ASH1L: variants seen among roughly 807,000 people sequenced by gnomAD.
ASH1L encodes the protein ASH1 like histone lysine methyltransferase.
In ASH1L, 23 loss-of-function variants were observed where a neutral mutation model predicts 269.0. That is an observed-to-expected ratio of 0.09 (90% confidence interval 0.06 to 0.12). ASH1L has a LOEUF of 0.12. Among genes scored for constraint, ASH1L ranks in the 10% least tolerant of loss-of-function variants. ASH1L has a pLI of 1.00. For synonymous variants in ASH1L, 1,187 were observed against 1,253.5 expected (o/e 0.95, Z 1.12); for missense variants, 2,912 against 3,567.8 (o/e 0.82, Z 4.68).
At chr1:155,475,061 T>A (rs1201062060) in intron 3 of ASH1L, among the ~76,000 whole-genome samples, 1 of 152,212 alleles carries the variant, frequency 6.6e-6, no homozygotes, top group African/African-American at 2.4e-5. Context: ...TATTTCCTCT[T>A]TCACCACGAT....
chr1:155,440,664 C>T (rs888620517), intron 4 of ASH1L: 2 of 228,486 alleles, frequency 8.8e-6, no homozygotes, highest in African/African-American at 2.3e-5. Flanking sequence ...TTTTTAAAAA[C>T]TTTCTAGCCT....
chr1:155,356,532 G>A (rs1052298967), intron 15 of ASH1L, among the ~76,000 whole-genome samples: 8 of 151,730 alleles, frequency 5.3e-5, no homozygotes, highest in Admixed American at 4.6e-4. Flanking sequence ...CTACTCGGGA[G>A]GCTGAGGCAG....
At chr1:155,550,484 C>T (rs1671123250) in intron 1 of ASH1L, among the ~76,000 whole-genome samples, 1 of 152,180 alleles carries the variant, frequency 6.6e-6, no homozygotes, top group South Asian at 2.1e-4. Flanking sequence ...CCTCTTCTAT[C>T]TCCTATCACT....
chr1:155,502,896 G>A (rs1667602601), intron 2 of ASH1L, among the ~76,000 whole-genome samples: 1 of 152,132 alleles, frequency 6.6e-6, no homozygotes, highest in Non-Finnish European at 1.5e-5. Flanking sequence ...GAATTTTTAA[G>A]AGTTACCAAG....
intron 15 of ASH1L, 49 bp downstream of exon 15, chr1:155,357,267 G>A (rs764678176): frequency 6.9e-7 from 1 of 1,445,614 alleles, no homozygotes; most frequent in Admixed American, 1.8e-5. Context: ...ACACAGATAA[G>A]CAATCATGTA....
Position 155,344,711 on chromosome 1 carries a change from T to A in ASH1L, c.7891-438A>T, listed in dbSNP as rs564468007. Reference sequence around the variant, plus strand: ...ATACTGCCTAAATCTCTTCTTTTTTTAAAAATGACTTGCCCAAAATCACAC... The same window carrying A: ...ATACTGCCTAAATCTCTTCTTTTTTAAAAAATGACTTGCCCAAAATCACAC... On this transcript the variant is annotated intron_variant, in intron 21 of 27. Coordinates refer to ENST00000392403, the MANE Select transcript of ASH1L (RefSeq NM_018489.3). 21 of 157,328 alleles carry A rather than the reference T, an allele frequency of 1.3e-4. 1 individual carries two copies. Among genetic ancestry groups the A allele is most frequent in the Admixed American group, 8.1e-4 (13 of 16,044 alleles). 9.7% of individuals were successfully genotyped at this position (157,328 alleles called of 1,614,324 possible). A position where few individuals can be genotyped will look rare whatever the true frequency, so the allele number is the denominator to read the frequency against.
chr1:155,523,295 G>A (rs1208364790), intron 1 of ASH1L, among the ~76,000 whole-genome samples: 1 of 152,098 alleles, frequency 6.6e-6, no homozygotes, highest in Non-Finnish European at 1.5e-5. Flanking sequence ...AGGAGTTTGA[G>A]ACCAGACTGG....
At chr1:155,451,333 A>G (rs1042078173) in intron 4 of ASH1L, among the ~76,000 whole-genome samples, 1 of 152,202 alleles carries the variant, frequency 6.6e-6, no homozygotes, top group Non-Finnish European at 1.5e-5. Context: ...CAGGGACTGA[A>G]GGGACAGGGG....
chr1:155,544,290 CTT>C (rs34917347), intron 1 of ASH1L, among the ~76,000 whole-genome samples: 13 of 143,730 alleles, frequency 9.0e-5, no homozygotes, highest in Non-Finnish European at 1.1e-4. Flanking sequence ...GAGAAACCCC[CTT>C]TTTTTTTTTT....
At chr1:155,530,994 AT>A (rs887162962) in intron 1 of ASH1L, among the ~76,000 whole-genome samples, 1 of 151,990 alleles carries the variant, frequency 6.6e-6, no homozygotes, top group Admixed American at 6.6e-5. Context: ...CAATCAATCA[AT>A]CAATATTAAA....
chr1:155,509,559 G>A (rs1248551497), intron 2 of ASH1L, among the ~76,000 whole-genome samples: 1 of 152,176 alleles, frequency 6.6e-6, no homozygotes, highest in East Asian at 1.9e-4. Flanking sequence ...AGCACTTTGG[G>A]AGGCCAAAGC....
At chr1:155,511,969 C>A (rs951836867) in intron 2 of ASH1L, among the ~76,000 whole-genome samples, 5 of 151,894 alleles carry the variant, frequency 3.3e-5, no homozygotes, top group African/African-American at 1.2e-4. Context: ...CACCACCACG[C>A]CCGGCTAATT....
chr1:155,501,174 T>C (rs921443824), intron 2 of ASH1L, among the ~76,000 whole-genome samples: 2 of 152,192 alleles, frequency 1.3e-5, no homozygotes, highest in African/African-American at 2.4e-5. Flanking sequence ...CAAAAGGTGT[T>C]TGACATCTAA....
chr1:155,535,704 A>AGC (rs980302711), intron 1 of ASH1L, among the ~76,000 whole-genome samples: 7 of 152,000 alleles, frequency 4.6e-5, no homozygotes, highest in African/African-American at 1.7e-4. Flanking sequence ...AAAAATGTAT[A>AGC]GCACATTAGG....
chr1:155,506,513 A>G (rs938685074), intron 2 of ASH1L, among the ~76,000 whole-genome samples: 28 of 152,176 alleles, frequency 1.8e-4, no homozygotes, highest in African/African-American at 5.8e-4. Context: ...CCTGGCCAAC[A>G]TAGCAAAACC....
chr1:155,337,542 G>T lies in ASH1L; in HGVS notation c.*118C>A. 1.3e-6 allele frequency: 1 copy of T among 780,354 alleles called. No homozygotes were observed. The highest frequency in any genetic ancestry group is 2.2e-6 in the Non-Finnish European group (1 of 450,458). The allele number at this position is 780,354 out of a possible 1,614,324, so 48.3% of individuals were successfully genotyped here. On this transcript the variant is annotated 3_prime_UTR_variant, in exon 28 of 28. Coordinates refer to ENST00000392403, the MANE Select transcript of ASH1L (RefSeq NM_018489.3). ...TTAAGTACCTAATGTCAACAACATG[G>T]CCCCATTCCCCTTGCCCAGATGGAC...
At chr1:155,488,834 C>T (rs1666536489) in intron 2 of ASH1L, among the ~76,000 whole-genome samples, 1 of 151,910 alleles carries the variant, frequency 6.6e-6, no homozygotes, top group Admixed American at 6.6e-5. Context: ...TGTATTAAAA[C>T]ATGATATTAA....
chr1:155,349,393 G>A lies in ASH1L; in HGVS notation c.7488C>T (p.Leu2496=), dbSNP rs1278596850. The change falls in exon 19 of 28, where the codon CTC becomes CTT. Residue 2496 remains leucine (L), a synonymous_variant. Coordinates refer to ENST00000392403, the MANE Select transcript of ASH1L (RefSeq NM_018489.3). ...LDLITIEKQI[L]TGYYKTVEAF... is the part of the protein sequence containing the mutation. Reference sequence around the variant, plus strand: ...CTTCCACTGTCTTATAGTAACCAGTGAGGATCTGCTTCTCTATGGTGATAA... The same window carrying A: ...CTTCCACTGTCTTATAGTAACCAGTAAGGATCTGCTTCTCTATGGTGATAA... 6.2e-7 allele frequency: 1 copy of A among 1,614,034 alleles called. No homozygotes were observed. Among genetic ancestry groups the A allele is most frequent in the Non-Finnish European group, 8.5e-7 (1 of 1,180,014 alleles).
intron 6 of ASH1L, among the ~76,000 whole-genome samples, chr1:155,401,684 A>G (rs930455621): frequency 5.9e-5 from 9 of 152,022 alleles, no homozygotes; most frequent in Non-Finnish European, 1.2e-4. Context: ...CCTACTTGGG[A>G]GGCTGAGGTA....
Sources: gnomAD v4.1 joint callset for allele counts (sites outside exome capture counted in the v4.1 genomes callset) on GRCh38, gnomAD v4.1.1 for gene constraint, MANE v1.5 for transcripts, NCBI Gene and HGNC (gene_info 2026-07-23, HGNC 2026-07-21) for gene names.